Variants in PDCD2L observed in about 807,000 individuals in gnomAD.
PDCD2L encodes programmed cell death 2 like, also known as uS5 assembly chaperone PDCD2L.
Under a neutral mutation model 40.4 loss-of-function variants are expected in PDCD2L, and 44 were observed. That is an observed-to-expected ratio of 1.09 (90% CI 0.86 to 1.40). The LOEUF is 1.40. PDCD2L is among the 40% of genes most tolerant of loss of function. The pLI, the probability that PDCD2L is intolerant of heterozygous loss-of-function variation, is 0.00. For synonymous variants in PDCD2L, 194 were observed against 174.6 expected (o/e 1.11, Z -0.88); for missense variants, 470 against 453.7 (o/e 1.04, Z -0.33).
intron 3 of PDCD2L, among the ~76,000 whole-genome samples, chr19:34,407,767 A>G (rs987550326): frequency 6.6e-6 from 1 of 152,218 alleles, no homozygotes; most frequent in Admixed American, 6.5e-5. Context: ...GTGTCTTTAT[A>G]GTAAATATAC....
At position 34,404,400 on chromosome 19, in the gene PDCD2L, G is replaced by GT; in HGVS notation, c.-28dup. 1 of 1,529,624 alleles carries GT rather than the reference G, an allele frequency of 6.5e-7. No individual in the cohort carries two copies. The highest frequency in any genetic ancestry group is 1.2e-5 in the South Asian group (1 of 82,714). The allele number at this position is 1,529,624 out of a possible 1,614,324, so 94.8% of individuals were successfully genotyped here. A position where few individuals can be genotyped will look rare whatever the true frequency, so the allele number is the denominator to read the frequency against. The stretch of plus-strand genomic sequence containing the variant: ...GCGCGTGCGCAGAGAGGCCGCCGTA[G>GT]TTTGCGTTTTCACCTGGTCGCCCGG... On this transcript the variant is annotated 5_prime_UTR_variant, in exon 1 of 7. Coordinates refer to ENST00000246535, the MANE Select transcript of PDCD2L (RefSeq NM_032346.2).
At chr19:34,411,934 C>T (rs901448404) in intron 4 of PDCD2L, among the ~76,000 whole-genome samples, 10 of 144,048 alleles carry the variant, frequency 6.9e-5, no homozygotes, top group South Asian at 2.2e-4. Context: ...GGATTGCAGG[C>T]GTGAGCCACC....
intron 4 of PDCD2L, among the ~76,000 whole-genome samples, chr19:34,413,326 GAT>G (rs1491464651): frequency 6.1e-5 from 7 of 115,598 alleles, no homozygotes; most frequent in African/African-American, 2.1e-4. Context: ...AGGCGTGATT[GAT>G]TTTTTTTTTT....
chr19:34,413,857 G>C lies in PDCD2L; in HGVS notation c.797+10G>C. On this transcript the variant is annotated intron_variant, in intron 5 of 6. Coordinates refer to ENST00000246535, the MANE Select transcript of PDCD2L (RefSeq NM_032346.2). ...AGGAGCAGATTTTGAGGTAAAAAAAGGCACAGTTCCTTTTATTGTTTTCCT... is the reference window on the plus strand; with the variant it reads ...AGGAGCAGATTTTGAGGTAAAAAAACGCACAGTTCCTTTTATTGTTTTCCT... 1.4e-6 allele frequency: 2 copies of C among 1,466,244 alleles called. No individual in the cohort carries two copies. The allele number at this position is 1,466,244 out of a possible 1,614,324, so 90.8% of individuals were successfully genotyped here.
chr19:34,425,108 G>A lies in PDCD2L; in HGVS notation c.947-882G>A, dbSNP rs564595303. Among the ~76,000 whole-genome samples the A allele has an allele frequency of 2.2e-4, 34 of 151,884 alleles. No individual in the cohort carries two copies. The East Asian group carries it at 6.2e-3, about 28-fold the overall frequency. Reference sequence around the variant, plus strand: ...TTTGCTGCTGCAAATCATTGCCTACGTCATCCTCTTGACTCCTGCTTTTCT... The same window carrying A: ...TTTGCTGCTGCAAATCATTGCCTACATCATCCTCTTGACTCCTGCTTTTCT... On this transcript the variant is annotated intron_variant, in intron 6 of 6. Coordinates refer to ENST00000246535, the MANE Select transcript of PDCD2L (RefSeq NM_032346.2).
At chr19:34,421,784 TA>T in intron 6 of PDCD2L, 117 bp downstream of exon 6, 3 of 1,341,896 alleles carry the variant, frequency 2.2e-6, no homozygotes, top group Non-Finnish European at 3.0e-6. Context: ...ATTTGGGAAT[TA>T]AAAAATTATT....
chr19:34,420,097 G>T (rs2075143596), intron 5 of PDCD2L, among the ~76,000 whole-genome samples: 1 of 151,978 alleles, frequency 6.6e-6, no homozygotes, highest in African/African-American at 2.4e-5. Flanking sequence ...CGATTCTGCA[G>T]CCGCGGCCTC....
At chr19:34,425,968 C>A in intron 6 of PDCD2L, 22 bp from the exon 7 acceptor site, 1 of 1,602,214 alleles carries the variant, frequency 6.2e-7, no homozygotes, top group Non-Finnish European at 8.5e-7. Flanking sequence ...TGCTGGAAGC[C>A]TGAATATGTG....
intron 4 of PDCD2L, among the ~76,000 whole-genome samples, chr19:34,412,028 T>A (rs1002139492): frequency 4.8e-5 from 7 of 146,440 alleles, no homozygotes; most frequent in South Asian, 2.1e-4. Context: ...TATATGAAAA[T>A]ATATATATTT....
intron 5 of PDCD2L, among the ~76,000 whole-genome samples, chr19:34,419,499 C>CTT (rs10706238): frequency 1.4e-5 from 2 of 143,386 alleles, no homozygotes; most frequent in Non-Finnish European, 3.0e-5. Flanking sequence ...CCTCCATTTC[C>CTT]TTTTTTTTTT....
chr19:34,413,431 G>A lies in PDCD2L; in HGVS notation c.687-306G>A, dbSNP rs1056012701. ...GCTCACTGCAACTTCCGCTTCCCGG[G>A]TTCAAGCGATTTCCTCTGCCTCAGC... On this transcript the variant is annotated intron_variant, in intron 4 of 6. Coordinates refer to ENST00000246535, the MANE Select transcript of PDCD2L (RefSeq NM_032346.2). Among the ~76,000 whole-genome samples the A allele has an allele frequency of 2.0e-5, 3 of 151,244 alleles. No homozygotes were observed. In the South Asian group the frequency reaches 6.3e-4, roughly 32 times the overall value.
intron 5 of PDCD2L, among the ~76,000 whole-genome samples, chr19:34,418,160 A>G (rs186753231): frequency 2.0e-5 from 3 of 152,334 alleles, no homozygotes; most frequent in Admixed American, 6.5e-5. Context: ...CAGACTGCGT[A>G]TATTTTTACA....
At chr19:34,416,996 C>T (rs922369132) in intron 5 of PDCD2L, among the ~76,000 whole-genome samples, 3 of 151,988 alleles carry the variant, frequency 2.0e-5, no homozygotes, top group Non-Finnish European at 2.9e-5. Context: ...TGCCTATAGT[C>T]CCAGCTGTTC....
At chr19:34,405,799 G>A (rs1308035956) in intron 3 of PDCD2L, among the ~76,000 whole-genome samples, 1 of 152,084 alleles carries the variant, frequency 6.6e-6, no homozygotes, top group Admixed American at 6.5e-5. Context: ...CCAGCTACAA[G>A]GGAGGTTGAG....
At chr19:34,422,599 T>A (rs2075157194) in intron 6 of PDCD2L, among the ~76,000 whole-genome samples, 1 of 152,094 alleles carries the variant, frequency 6.6e-6, no homozygotes, top group Admixed American at 6.6e-5. Flanking sequence ...ACGAAAATAA[T>A]TTTCCTAAAA....
At chr19:34,418,462 G>C (rs907842407) in intron 5 of PDCD2L, among the ~76,000 whole-genome samples, 2 of 151,980 alleles carry the variant, frequency 1.3e-5, no homozygotes, top group African/African-American at 4.8e-5. Flanking sequence ...TGTATCAATA[G>C]TTCATTCCTT....
intron 5 of PDCD2L, among the ~76,000 whole-genome samples, chr19:34,414,338 G>T (rs1054612080): frequency 6.6e-6 from 1 of 150,410 alleles, no homozygotes; most frequent in Non-Finnish European, 1.5e-5. Context: ...ACCCTGCCCA[G>T]CTGATTTTTT....
intron 6 of PDCD2L, among the ~76,000 whole-genome samples, chr19:34,424,061 CCT>C (rs1344475567): frequency 1.3e-5 from 2 of 151,636 alleles, no homozygotes; most frequent in East Asian, 1.9e-4. Flanking sequence ...TGTATAGACC[CCT>C]GTGTTGTCTT....
chr19:34,423,278 G>A (rs976843561), intron 6 of PDCD2L, among the ~76,000 whole-genome samples: 1 of 151,840 alleles, frequency 6.6e-6, no homozygotes, highest in African/African-American at 2.4e-5. Flanking sequence ...TGCCTCCCAG[G>A]TTCAAGTGAT....
Sources: allele counts gnomAD v4.1 joint callset (sites outside exome capture counted in the v4.1 genomes callset), GRCh38; gene constraint gnomAD v4.1.1; transcripts MANE v1.5; gene names NCBI Gene and HGNC (gene_info 2026-07-23, HGNC 2026-07-21).